The following PDGFC variants were observed in gnomAD, a reference collection of about 807,000 sequenced individuals.
The protein encoded by PDGFC is platelet derived growth factor C.
Under a neutral mutation model 35.5 loss-of-function variants are expected in PDGFC, and 12 were observed. The ratio of observed to expected loss-of-function variants is 0.34; its 90% CI spans 0.22 to 0.55. The LOEUF is 0.55. Ranked by LOEUF, PDGFC falls within the 20% of genes least tolerant of loss-of-function variation. PDGFC has a pLI of 0.91. For missense variants in PDGFC, 322 were observed against 412.4 expected, an observed-to-expected ratio of 0.78 and a Z score of 1.90; for synonymous variants, 159 against 148.8, an observed-to-expected ratio of 1.07 and a Z score of -0.50.
intron 4 of PDGFC, chr4:156,770,209 G>C (rs989343874): frequency 6.6e-6 from 1 of 151,866 alleles, no homozygotes; most frequent in Non-Finnish European, 1.5e-5. Flanking sequence ...CCCTTTTTAC[G>C]TACTAGTTAA....
At chr4:156,776,135 AT>A (rs1342192990) in intron 3 of PDGFC, among the ~76,000 whole-genome samples, 73 of 152,310 alleles carry the variant, frequency 4.8e-4, no homozygotes, top group African/African-American at 8.7e-4. Flanking sequence ...AGAAAAAAAA[AT>A]GTCTTTGAAT....
chr4:156,839,887 G>A (rs889603871), intron 2 of PDGFC, among the ~76,000 whole-genome samples: 1 of 152,140 alleles, frequency 6.6e-6, no homozygotes, highest in African/African-American at 2.4e-5. Context: ...TATACTTTAG[G>A]AAAGAGACTG....
chr4:156,880,790 C>G (rs1228853068), intron 1 of PDGFC, among the ~76,000 whole-genome samples: 2 of 152,036 alleles, frequency 1.3e-5, no homozygotes, highest in Admixed American at 6.6e-5. Flanking sequence ...AGAAGTGGAG[C>G]CTGAAGACGT....
chr4:156,827,562 T>TC (rs1328307160), intron 2 of PDGFC, among the ~76,000 whole-genome samples: 1 of 152,080 alleles, frequency 6.6e-6, no homozygotes, highest in Non-Finnish European at 1.5e-5. Context: ...AGGTTCCTCT[T>TC]CAGCAAAACA....
intron 1 of PDGFC, among the ~76,000 whole-genome samples, chr4:156,894,040 T>C (rs1379717600): frequency 1.3e-5 from 2 of 152,180 alleles, no homozygotes; most frequent in Non-Finnish European, 2.9e-5. Context: ...GACTGATAAG[T>C]ATCAGGTGCC....
At chr4:156,955,618 T>C (rs557030330) in intron 1 of PDGFC, among the ~76,000 whole-genome samples, 1 of 152,046 alleles carries the variant, frequency 6.6e-6, no homozygotes, top group Non-Finnish European at 1.5e-5. Context: ...CAAACCTGAT[T>C]AATTTATGAA....
At chr4:156,930,593 C>A (rs942348161) in intron 1 of PDGFC, among the ~76,000 whole-genome samples, 1 of 152,304 alleles carries the variant, frequency 6.6e-6, no homozygotes, top group South Asian at 2.1e-4. Context: ...TTAGGCCGGG[C>A]GCAGCGTCTC....
chr4:156,929,896 T>TGC (rs1364807910), intron 1 of PDGFC, among the ~76,000 whole-genome samples: 7 of 152,144 alleles, frequency 4.6e-5, no homozygotes, highest in Non-Finnish European at 8.8e-5. Context: ...CTGAGAAGTG[T>TGC]GCAGCCCTGC....
chr4:156,883,075 T>G (rs930973451), intron 1 of PDGFC, among the ~76,000 whole-genome samples: 2 of 150,336 alleles, frequency 1.3e-5, no homozygotes, highest in South Asian at 2.1e-4. Flanking sequence ...CAGAGCAAGA[T>G]TCTGTCTCCA....
At chr4:156,921,733 C>T (rs1731286689) in intron 1 of PDGFC, among the ~76,000 whole-genome samples, 1 of 152,018 alleles carries the variant, frequency 6.6e-6, no homozygotes, top group Non-Finnish European at 1.5e-5. Context: ...AGGTAAATCC[C>T]CTCCATTGTA....
intron 1 of PDGFC, among the ~76,000 whole-genome samples, chr4:156,864,004 G>T (rs929153268): frequency 1.4e-4 from 21 of 150,986 alleles, no homozygotes; most frequent in Non-Finnish European, 3.0e-4. Flanking sequence ...TGTTTTTTTT[G>T]TTGTTGTTGT....
At chr4:156,811,502 T>C (rs1423523945) in intron 2 of PDGFC, among the ~76,000 whole-genome samples, 1 of 152,048 alleles carries the variant, frequency 6.6e-6, no homozygotes, top group African/African-American at 2.4e-5. Context: ...TCTTTCGCAC[T>C]TCACTTGGTA....
In PDGFC at chr4:156,865,307, A is replaced by G. The variant is rs546931792; in HGVS notation, c.119-14891T>C. Among the ~76,000 whole-genome samples, 331 of 152,256 alleles carry G rather than the reference A, an allele frequency of 2.2e-3. 1 individual carries two copies. Among genetic ancestry groups the G allele is most frequent in the African/African-American group, 7.7e-3 (319 of 41,558 alleles). On this transcript the variant is annotated intron_variant, in intron 1 of 5. Coordinates refer to ENST00000502773, the MANE Select transcript of PDGFC (RefSeq NM_016205.3). ...GTAACTCTATAAAATTAGTTGATAT[A>G]CTGTCAGGAAAAACGCATATCCAAT...
chr4:156,814,513 C>A (rs1732025994), intron 2 of PDGFC, among the ~76,000 whole-genome samples: 1 of 152,084 alleles, frequency 6.6e-6, no homozygotes, highest in African/African-American at 2.4e-5. Flanking sequence ...AGGATGAAGT[C>A]ATTTCAATAC....
At chr4:156,938,825 T>C (rs1002532302) in intron 1 of PDGFC, among the ~76,000 whole-genome samples, 2 of 151,470 alleles carry the variant, frequency 1.3e-5, no homozygotes, top group Non-Finnish European at 2.9e-5. Flanking sequence ...ACAACAACAT[T>C]ATAAATAATA....
rs61505882 is a variant in PDGFC, at chr4:156,851,930, C to CAAAAAAAAA, written c.119-1523_119-1515dup. Among the ~76,000 whole-genome samples the CAAAAAAAAA allele has an allele frequency of 7.1e-3, 339 of 47,840 alleles. 25 individuals are homozygous for CAAAAAAAAA. Among genetic ancestry groups the CAAAAAAAAA allele is most frequent in the African/African-American group, 0.01 (154 of 15,060 alleles). 31.4% of individuals were successfully genotyped at this position (47,840 alleles called of 152,430 possible). ...TGGGCGACAGAATGAGACTCCATCT[C>CAAAAAAAAA]AAAAAAAAAAAAAAAAAAAAAAAAA... On this transcript the variant is annotated intron_variant, in intron 1 of 5. Coordinates refer to ENST00000502773, the MANE Select transcript of PDGFC (RefSeq NM_016205.3).
intron 3 of PDGFC, among the ~76,000 whole-genome samples, chr4:156,801,285 T>C (rs2110914653): frequency 6.6e-6 from 1 of 152,230 alleles, no homozygotes; most frequent in South Asian, 2.1e-4. Context: ...TGAAAAACCC[T>C]AGCCTCTGAA....
intron 1 of PDGFC, among the ~76,000 whole-genome samples, chr4:156,962,952 C>T (rs1026955862): frequency 5.3e-5 from 8 of 152,132 alleles, no homozygotes; most frequent in African/African-American, 9.7e-5. Context: ...CTGCTGCTCC[C>T]AGGTCCTTCC....
At chr4:156,764,526 TAG>T (rs1730466336) in intron 5 of PDGFC, among the ~76,000 whole-genome samples, 1 of 152,190 alleles carries the variant, frequency 6.6e-6, no homozygotes, top group Non-Finnish European at 1.5e-5. Flanking sequence ...AATAATTTTA[TAG>T]ACTCAGAATA....
Sources: gnomAD v4.1 joint callset for allele counts (sites outside exome capture counted in the v4.1 genomes callset) on GRCh38, gnomAD v4.1.1 for gene constraint, MANE v1.5 for transcripts, NCBI Gene and HGNC (gene_info 2026-07-23, HGNC 2026-07-21) for gene names.